The following ZDHHC14 variants were observed in gnomAD, a reference collection of about 807,000 sequenced individuals.
The protein encoded by ZDHHC14 is palmitoyltransferase ZDHHC14.
ZDHHC14 carries 16 observed loss-of-function variants against 47.7 expected under a neutral mutation model. That is an observed-to-expected ratio of 0.34 (90% CI 0.23 to 0.51). The LOEUF is 0.51. ZDHHC14 is among the 20% of genes least tolerant of loss of function. The probability of loss-of-function intolerance (pLI) is 0.97; values close to 1 mark genes in which losing one functional copy is unlikely to be tolerated. For missense variants in ZDHHC14, 515 were observed against 662.5 expected (o/e 0.78, Z 2.44); for synonymous variants, 293 against 278.9 (o/e 1.05, Z -0.50).
At chr6:157,415,640 C>G (rs995923159) in intron 1 of ZDHHC14, among the ~76,000 whole-genome samples, 1 of 152,046 alleles carries the variant, frequency 6.6e-6, no homozygotes, top group African/African-American at 2.4e-5. Context: ...TTGGGGAGGC[C>G]AAGGTGGGCG....
At chr6:157,563,439 C>A (rs1453446569) in intron 2 of ZDHHC14, among the ~76,000 whole-genome samples, 4 of 152,174 alleles carry the variant, frequency 2.6e-5, no homozygotes, top group South Asian at 2.1e-4. Context: ...TTTGTTTCTT[C>A]CCCCTTCCCG....
At chr6:157,550,427 TCA>T (rs1480672013) in intron 2 of ZDHHC14, among the ~76,000 whole-genome samples, 3 of 149,494 alleles carry the variant, frequency 2.0e-5, no homozygotes, top group African/African-American at 5.0e-5. Context: ...GACCACAGTG[TCA>T]CACACACGCT....
intron 8 of ZDHHC14, 100 bp from the exon 9 acceptor site, chr6:157,672,624 A>AGCCCCCCCCC: frequency 1.5e-5 from 4 of 273,144 alleles, no homozygotes; most frequent in East Asian, 1.3e-4. Flanking sequence ...CTCTTCTCGC[A>AGCCCCCCCCC]CCCCACCCTC....
At chr6:157,524,884 T>C (rs1427320086) in intron 1 of ZDHHC14, among the ~76,000 whole-genome samples, 1 of 152,256 alleles carries the variant, frequency 6.6e-6, no homozygotes, top group Non-Finnish European at 1.5e-5. Context: ...GAACCACCTG[T>C]GTTAGTGAGC....
At chr6:157,567,664 A>T (rs1451754313) in intron 2 of ZDHHC14, among the ~76,000 whole-genome samples, 1 of 152,154 alleles carries the variant, frequency 6.6e-6, no homozygotes. Flanking sequence ...TAAAAATACA[A>T]AAATTAGCCA....
chr6:157,426,650 A>G (rs1388792984), intron 1 of ZDHHC14, among the ~76,000 whole-genome samples: 2 of 151,890 alleles, frequency 1.3e-5, no homozygotes, highest in Non-Finnish European at 2.9e-5. Flanking sequence ...ATCCTGGGAG[A>G]AGGTGGAAGA....
intron 2 of ZDHHC14, among the ~76,000 whole-genome samples, chr6:157,585,021 A>G (rs1207345036): frequency 1.3e-5 from 2 of 152,118 alleles, no homozygotes; most frequent in East Asian, 1.9e-4. Context: ...CCTGGCCAAC[A>G]TGGCAAAACC....
chr6:157,482,260 C>CTT lies in ZDHHC14; in HGVS notation c.246-60308_246-60307dup, dbSNP rs1231434907. 4.0e-3 allele frequency among the ~76,000 whole-genome samples: 507 copies of CTT among 127,504 alleles called. 6 individuals carry two copies. The highest frequency in any genetic ancestry group is 5.8e-3 in the South Asian group (23 of 3,966). The allele number at this position is 127,504 out of a possible 152,430, so 83.6% of individuals were successfully genotyped here. On this transcript the variant is annotated intron_variant, in intron 1 of 8. Transcript: ENST00000359775. ...CTAACGTCTATATTTCTTTTCTTTT[C>CTT]TTTTTTTTTTTTTTTTTTGAGATGG...
intron 1 of ZDHHC14, among the ~76,000 whole-genome samples, chr6:157,401,635 CA>C (rs1333528376): frequency 6.7e-6 from 1 of 148,280 alleles, no homozygotes; most frequent in East Asian, 2.0e-4. Context: ...GCTGAGGTCT[CA>C]GCTGCAGTAG....
intron 3 of ZDHHC14, among the ~76,000 whole-genome samples, chr6:157,618,226 C>T (rs1157392777): frequency 1.3e-5 from 2 of 152,060 alleles, no homozygotes; most frequent in Non-Finnish European, 2.9e-5. Context: ...TCACGTGGAG[C>T]TTATCTCAGA....
intron 8 of ZDHHC14, among the ~76,000 whole-genome samples, chr6:157,653,977 T>TC (rs1407490626): frequency 6.6e-6 from 1 of 152,114 alleles, no homozygotes; most frequent in African/African-American, 2.4e-5. Context: ...ATCTTCCATT[T>TC]CCCTTTCCGT....
intron 1 of ZDHHC14, among the ~76,000 whole-genome samples, chr6:157,496,358 T>C (rs1448783692): frequency 6.6e-6 from 1 of 151,366 alleles, no homozygotes; most frequent in Admixed American, 6.7e-5. Flanking sequence ...CCTCCCACAT[T>C]GGGGAGGAAG....
intron 2 of ZDHHC14, among the ~76,000 whole-genome samples, chr6:157,572,869 G>GTTGCTCTGCCCTA (rs200884312): frequency 0.042 from 6,399 of 152,036 alleles, 157 homozygotes; most frequent in Non-Finnish European, 0.056. Context: ...ACAGAAAAAG[G>GTTGCTCTGCCCTA]TTTTCTACTA....
At chr6:157,559,630 T>G (rs567201102) in intron 2 of ZDHHC14, among the ~76,000 whole-genome samples, 2 of 152,240 alleles carry the variant, frequency 1.3e-5, no homozygotes, top group African/African-American at 2.4e-5. Context: ...CATTCTCAGT[T>G]AAAGACATAC....
At chr6:157,562,831 G>T (rs1260015809) in intron 2 of ZDHHC14, among the ~76,000 whole-genome samples, 2 of 152,184 alleles carry the variant, frequency 1.3e-5, no homozygotes, top group East Asian at 3.8e-4. Context: ...AATGGAGGTT[G>T]TGTCAGCTAG....
chr6:157,660,472 C>T (rs781285389), intron 8 of ZDHHC14, among the ~76,000 whole-genome samples: 1 of 152,198 alleles, frequency 6.6e-6, no homozygotes, highest in Non-Finnish European at 1.5e-5. Flanking sequence ...GGATTACAGG[C>T]ATGAACCACT....
chr6:157,614,362 A>ATT (rs11288647), intron 3 of ZDHHC14, among the ~76,000 whole-genome samples: 4,279 of 145,202 alleles, frequency 0.029, 132 homozygotes, highest in African/African-American at 0.081. Context: ...TAGCTGACTG[A>ATT]TTTTTTTTTT....
chr6:157,581,881 G>C (rs1167624518), intron 2 of ZDHHC14, among the ~76,000 whole-genome samples: 1 of 151,640 alleles, frequency 6.6e-6, no homozygotes, highest in African/African-American at 2.4e-5. Context: ...TCTTTATCCA[G>C]GTTGCCATTC....
intron 1 of ZDHHC14, among the ~76,000 whole-genome samples, chr6:157,415,028 C>G (rs986853458): frequency 1.3e-5 from 2 of 151,984 alleles, no homozygotes; most frequent in African/African-American, 4.8e-5. Flanking sequence ...CTTAATGGAC[C>G]ACACTTCCTA....
Sources: gnomAD v4.1 joint callset for allele counts (sites outside exome capture counted in the v4.1 genomes callset) on GRCh38, gnomAD v4.1.1 for gene constraint, MANE v1.5 for transcripts, NCBI Gene and HGNC (gene_info 2026-07-23, HGNC 2026-07-21) for gene names.